The following RABGEF1 variants were observed in gnomAD, a reference collection of about 807,000 sequenced individuals.
RABGEF1 encodes the protein RAB guanine nucleotide exchange factor 1.
In RABGEF1, 26 loss-of-function variants were observed where a neutral mutation model predicts 57.3. The ratio of observed to expected loss-of-function variants is 0.45; its 90% CI spans 0.33 to 0.63. The LOEUF (loss-of-function observed/expected upper bound fraction) is 0.63, where lower values mean the gene tolerates loss of function less well. RABGEF1 is among the 20% of genes least tolerant of loss of function. The probability of loss-of-function intolerance (pLI) is 0.02; values close to 1 mark genes in which losing one functional copy is unlikely to be tolerated. For synonymous variants in RABGEF1, 185 were observed against 210.7 expected (o/e 0.88, Z 1.06); for missense variants, 464 against 607.6 (o/e 0.76, Z 2.48).
chr7:66,805,886 A>C (rs1788324908), intron 8 of RABGEF1, among the ~76,000 whole-genome samples: 1 of 151,338 alleles, frequency 6.6e-6, no homozygotes, highest in Admixed American at 6.6e-5. Flanking sequence ...CTGGTACCAC[A>C]GGCATGCACC....
chr7:66,681,462 G>A (rs116571135), upstream of RABGEF1, among the ~76,000 whole-genome samples: 1,020 of 149,972 alleles, frequency 6.8e-3, 16 homozygotes, highest in African/African-American at 0.023. Flanking sequence ...GGAGTTCAGT[G>A]GAGGGATCTC....
intron 1 of RABGEF1, among the ~76,000 whole-genome samples, chr7:66,764,170 G>A (rs1472474716): frequency 6.6e-6 from 1 of 152,158 alleles, no homozygotes; most frequent in African/African-American, 2.4e-5. Flanking sequence ...TCATCCTACT[G>A]GATGTGAAGT....
At chr7:66,704,469 A>G (rs1183828881) in intron 1 of RABGEF1, among the ~76,000 whole-genome samples, 1 of 152,140 alleles carries the variant, frequency 6.6e-6, no homozygotes, top group African/African-American at 2.4e-5. Context: ...AAGTGGTTGT[A>G]TCATTTTACA....
chr7:66,763,021 A>G (rs1804826363), intron 1 of RABGEF1, among the ~76,000 whole-genome samples: 1 of 152,194 alleles, frequency 6.6e-6, no homozygotes, highest in Admixed American at 6.5e-5. Flanking sequence ...TTTTTTTAAG[A>G]GACAAGGTCT....
intron 1 of RABGEF1, among the ~76,000 whole-genome samples, chr7:66,765,873 T>C (rs10950049): frequency 0.38 from 58,170 of 152,086 alleles, 11,584 homozygotes; most frequent in Middle Eastern, 0.57. Context: ...CCTGATAACA[T>C]GGGAGGTTAT....
At chr7:66,672,150 C>T in the RABGEF1 span, among the ~76,000 whole-genome samples, 2 of 151,068 alleles carry the variant, frequency 1.3e-5, no homozygotes, top group African/African-American at 4.9e-5. Flanking sequence ...TGGCCGGGCA[C>T]GGTGGCTCAC....
At chr7:66,705,484 A>AGAGG (rs1562716701) in intron 1 of RABGEF1, among the ~76,000 whole-genome samples, 3 of 137,576 alleles carry the variant, frequency 2.2e-5, no homozygotes, top group East Asian at 2.4e-4. Flanking sequence ...AGAGAGAGAG[A>AGAGG]GAGGAGGGGG....
At chr7:66,664,108 T>C in the RABGEF1 span, among the ~76,000 whole-genome samples, 1 of 145,114 alleles carries the variant, frequency 6.9e-6, no homozygotes, top group African/African-American at 2.5e-5. Flanking sequence ...TAACATGAAA[T>C]GCTGCAGCAG....
chr7:66,753,370 A>C (rs1801884999), intron 1 of RABGEF1, among the ~76,000 whole-genome samples: 2 of 152,150 alleles, frequency 1.3e-5, no homozygotes, highest in South Asian at 2.1e-4. Flanking sequence ...TGGAAAACTC[A>C]TTTCTTCTAA....
At chr7:66,731,064 G>C (rs972449083) in intron 2 of RABGEF1, among the ~76,000 whole-genome samples, 15 of 152,302 alleles carry the variant, frequency 9.8e-5, no homozygotes, top group Non-Finnish European at 1.8e-4. Context: ...CTTTGGGACT[G>C]TGTACCACAT....
the RABGEF1 span, among the ~76,000 whole-genome samples, chr7:66,662,829 ATG>A: frequency 2.0e-5 from 3 of 151,182 alleles, no homozygotes; most frequent in Non-Finnish European, 4.4e-5. Context: ...GTGTGCAGGC[ATG>A]TGTGTGTAGG....
At chr7:66,663,372 T>C in the RABGEF1 span, among the ~76,000 whole-genome samples, 4 of 152,098 alleles carry the variant, frequency 2.6e-5, no homozygotes. Flanking sequence ...TGCCGCTGGG[T>C]TAGGGTCTCC....
At position 66,783,680 on chromosome 7, in the gene RABGEF1, C is replaced by A; in HGVS notation, c.352C>A (p.Gln118Lys). ...ATGTTTAATTTTCCCAGCAGAAATT[C>A]AGGAAGCAAAAGCTCCCAGTCCTTC... ...SSRVGSKKEI[Q>K]EAKAPSPSIN... Residue 118 changes from glutamine to lysine, a missense_variant, in exon 4 of 9, where the codon CAG becomes AAG. Gln to Lys is a moderately conservative substitution (Grantham distance 53). Transcript: ENST00000284957. 6.3e-7 allele frequency: 1 copy of A among 1,594,568 alleles called. No individual in the cohort carries two copies. The highest frequency in any genetic ancestry group is 8.5e-7 in the Non-Finnish European group (1 of 1,170,602).
the RABGEF1 span, among the ~76,000 whole-genome samples, chr7:66,671,711 A>G: frequency 6.6e-6 from 1 of 152,006 alleles, no homozygotes; most frequent in Non-Finnish European, 1.5e-5. Context: ...AGTCACAGCT[A>G]CTTGTGAGGC....
intron 1 of RABGEF1, among the ~76,000 whole-genome samples, chr7:66,686,567 C>T (rs2117069059): frequency 6.6e-6 from 1 of 152,320 alleles, no homozygotes; most frequent in Non-Finnish European, 1.5e-5. Context: ...TGTGTTATTT[C>T]ACATGGCTGA....
the RABGEF1 span, among the ~76,000 whole-genome samples, chr7:66,660,681 A>G: frequency 1.3e-5 from 2 of 152,236 alleles, no homozygotes; most frequent in Admixed American, 1.3e-4. Flanking sequence ...ACATTAAATT[A>G]CTAATTAAAA....
At chr7:66,673,480 CTGTCTGGGCCCCACTTGAGCCTCAT>C in the RABGEF1 span, among the ~76,000 whole-genome samples, 1 of 151,464 alleles carries the variant, frequency 6.6e-6, no homozygotes, top group Non-Finnish European at 1.5e-5. Context: ...GTTCCTGAAC[CTGTCTGGGCCCCACTTGAGCCTCAT>C]TTATGACATA....
At chr7:66,767,363 G>A (rs1806004109) in intron 1 of RABGEF1, among the ~76,000 whole-genome samples, 1 of 151,872 alleles carries the variant, frequency 6.6e-6, no homozygotes, top group African/African-American at 2.4e-5. Context: ...ATAATGGTCT[G>A]CGAATTTTTA....
At chr7:66,741,854 C>G (rs1296486021) in intron 1 of RABGEF1, among the ~76,000 whole-genome samples, 1 of 151,934 alleles carries the variant, frequency 6.6e-6, no homozygotes, top group Non-Finnish European at 1.5e-5. Flanking sequence ...AGAGTGTGTT[C>G]CGGCCGGGTG....
Sources: allele counts gnomAD v4.1 joint callset (sites outside exome capture counted in the v4.1 genomes callset), GRCh38; gene constraint gnomAD v4.1.1; transcripts MANE v1.5; gene names NCBI Gene and HGNC (gene_info 2026-07-23, HGNC 2026-07-21).